The following PARVA variants were observed in gnomAD, a reference collection of about 807,000 sequenced individuals.
PARVA encodes alpha-parvin.
PARVA carries 25 observed loss-of-function variants against 52.6 expected under a neutral mutation model. The ratio of observed to expected loss-of-function variants is 0.48; its 90% confidence interval spans 0.35 to 0.66. The LOEUF is 0.66. Among genes scored for constraint, PARVA ranks in the 30% least tolerant of loss-of-function variants. PARVA has a pLI of 0.01. For synonymous variants in PARVA, 185 were observed against 179.1 expected, an observed-to-expected ratio of 1.03 and a Z score of -0.26; for missense variants, 373 against 450.9, an observed-to-expected ratio of 0.83 and a Z score of 1.56.
chr11:12,453,159 C>G, intron 1 of PARVA: 1 of 385,456 alleles, frequency 2.6e-6, no homozygotes, highest in Non-Finnish European at 5.3e-6. Flanking sequence ...CCTCCTCTTG[C>G]ATTTGAAGGG....
In PARVA at chr11:12,477,478, A is replaced by T. The variant is rs369103112; in HGVS notation, c.298-369A>T. Among the ~76,000 whole-genome samples the T allele has an allele frequency of 5.3e-5, 8 of 152,328 alleles. No individual in the cohort carries two copies. In the East Asian group the frequency reaches 9.6e-4, roughly 18 times the overall value. On this transcript the variant is annotated intron_variant, in intron 3 of 12. Transcript: ENST00000334956. ...ATAGGGGACATAGATATTAACAGGG[A>T]CATGGCACTAGCAGGATATACATCT... is the stretch of plus-strand genomic sequence containing the variant.
At chr11:12,385,866 G>A (rs1939565577) in intron 1 of PARVA, among the ~76,000 whole-genome samples, 1 of 152,034 alleles carries the variant, frequency 6.6e-6, no homozygotes, top group Admixed American at 6.5e-5. Context: ...CAAAATAGAT[G>A]GCAGCCTGCA....
At chr11:12,518,929 T>C (rs1941606240) in intron 12 of PARVA, among the ~76,000 whole-genome samples, 1 of 152,208 alleles carries the variant, frequency 6.6e-6, no homozygotes, top group Non-Finnish European at 1.5e-5. Flanking sequence ...TGCGGAGCTC[T>C]GCCTGCTCAG....
chr11:12,443,476 A>C (rs1037129783), intron 1 of PARVA, among the ~76,000 whole-genome samples: 1 of 152,088 alleles, frequency 6.6e-6, no homozygotes, highest in Non-Finnish European at 1.5e-5. Context: ...GGCCAACTTG[A>C]CTTCTTAAAA....
chr11:12,486,120 C>A (rs182870275), intron 4 of PARVA, among the ~76,000 whole-genome samples: 1 of 152,058 alleles, frequency 6.6e-6, no homozygotes, highest in African/African-American at 2.4e-5. Context: ...GACATATGTA[C>A]GATAGTAATG....
intron 6 of PARVA, among the ~76,000 whole-genome samples, chr11:12,507,580 T>A (rs1941447718): frequency 6.6e-6 from 1 of 152,108 alleles, no homozygotes; most frequent in Admixed American, 6.5e-5. Context: ...TTCCTCCCAT[T>A]GAAATAACCC....
intron 1 of PARVA, among the ~76,000 whole-genome samples, chr11:12,393,859 G>A (rs571102290): frequency 3.3e-5 from 5 of 152,164 alleles, no homozygotes; most frequent in Admixed American, 6.5e-5. Flanking sequence ...TGAGTGGCAC[G>A]CTCCTCTACC....
intron 1 of PARVA, among the ~76,000 whole-genome samples, chr11:12,445,135 G>A (rs745481310): frequency 1.3e-5 from 2 of 152,150 alleles, no homozygotes; most frequent in South Asian, 2.1e-4. Flanking sequence ...TGGGTACTGG[G>A]TATATGAGGA....
chr11:12,427,072 A>C (rs1940247576), intron 1 of PARVA, among the ~76,000 whole-genome samples: 1 of 152,192 alleles, frequency 6.6e-6, no homozygotes, highest in East Asian at 1.9e-4. Flanking sequence ...TGAGAAAGAA[A>C]ATAAAAATAT....
At chr11:12,402,894 G>A (rs572403661) in intron 1 of PARVA, among the ~76,000 whole-genome samples, 38 of 152,198 alleles carry the variant, frequency 2.5e-4, no homozygotes, top group Non-Finnish European at 4.4e-4. Flanking sequence ...GGCCTCAACC[G>A]AGTCTCAGAA....
At chr11:12,408,332 A>G (rs560338146) in intron 1 of PARVA, among the ~76,000 whole-genome samples, 3 of 152,088 alleles carry the variant, frequency 2.0e-5, no homozygotes, top group African/African-American at 7.2e-5. Context: ...TGGTGAGCAC[A>G]TCCTCTCCTG....
chr11:12,387,731 C>T (rs921712222), intron 1 of PARVA, among the ~76,000 whole-genome samples: 2 of 59,474 alleles, frequency 3.4e-5, no homozygotes, highest in African/African-American at 6.7e-5. Context: ...GCAGTGAGCC[C>T]GGAGGAGGCC....
At chr11:12,430,340 T>G (rs1018580089) in intron 1 of PARVA, among the ~76,000 whole-genome samples, 1 of 152,244 alleles carries the variant, frequency 6.6e-6, no homozygotes, top group Non-Finnish European at 1.5e-5. Context: ...TAATAATAAC[T>G]GTATTTAACA....
chr11:12,396,735 A>G (rs902384303), intron 1 of PARVA, among the ~76,000 whole-genome samples: 2 of 152,204 alleles, frequency 1.3e-5, no homozygotes, highest in Admixed American at 6.5e-5. Context: ...TATGACTTCT[A>G]TGTGTATTAA....
intron 10 of PARVA, 123 bp from the exon 11 acceptor site, chr11:12,517,487 G>T: frequency 1.4e-6 from 1 of 722,576 alleles, no homozygotes; most frequent in South Asian, 1.7e-5. Context: ...CCCTACCCCC[G>T]AGCTAGCAGC....
At chr11:12,418,492 G>A (rs1277231551) in intron 1 of PARVA, among the ~76,000 whole-genome samples, 1 of 152,208 alleles carries the variant, frequency 6.6e-6, no homozygotes, top group Non-Finnish European at 1.5e-5. Context: ...GACGAAGACA[G>A]TTGGGATTCT....
At chr11:12,462,832 TCTC>T (rs1940801431) in intron 1 of PARVA, among the ~76,000 whole-genome samples, 1 of 152,256 alleles carries the variant, frequency 6.6e-6, no homozygotes, top group South Asian at 2.1e-4. Flanking sequence ...AGCTCTGTCT[TCTC>T]CTAAATTTTC....
intron 1 of PARVA, among the ~76,000 whole-genome samples, chr11:12,400,433 G>A (rs1271132611): frequency 1.3e-5 from 2 of 152,192 alleles, no homozygotes; most frequent in Admixed American, 1.3e-4. Context: ...GCAAGTCAAT[G>A]TGTGTAGAAA....
intron 1 of PARVA, among the ~76,000 whole-genome samples, chr11:12,409,549 G>A (rs1010825855): frequency 1.3e-5 from 2 of 152,174 alleles, no homozygotes; most frequent in African/African-American, 4.8e-5. Flanking sequence ...AGAAGAAAGA[G>A]TCAGAAGGAA....
Sources: gnomAD v4.1 joint callset for allele counts (sites outside exome capture counted in the v4.1 genomes callset) on GRCh38, gnomAD v4.1.1 for gene constraint, MANE v1.5 for transcripts, NCBI Gene and HGNC (gene_info 2026-07-23, HGNC 2026-07-21) for gene names.